Variants in KIRREL3 observed in about 807,000 individuals in gnomAD.
KIRREL3 encodes kirre like nephrin family adhesion molecule 3.
In KIRREL3, 36 loss-of-function variants were observed where a neutral mutation model predicts 89.7. That is an observed-to-expected ratio of 0.40 (90% CI 0.31 to 0.53). The LOEUF (loss-of-function observed/expected upper bound fraction) is 0.53. Ranked by LOEUF, KIRREL3 falls within the 20% of genes least tolerant of loss-of-function variation. The pLI, the probability that KIRREL3 is intolerant of heterozygous loss-of-function variation, is 0.49. For missense variants in KIRREL3, 864 were observed against 1,056.6 expected (o/e 0.82, Z 2.53); for synonymous variants, 445 against 441.4 (o/e 1.01, Z -0.10).
At chr11:126,616,530 T>C (rs994047508) in intron 1 of KIRREL3, among the ~76,000 whole-genome samples, 1 of 152,162 alleles carries the variant, frequency 6.6e-6, no homozygotes, top group Non-Finnish European at 1.5e-5. Context: ...GAGCCAGCAT[T>C]TGAGAATCAA....
At chr11:126,972,949 C>T (rs552990850) in intron 1 of KIRREL3, among the ~76,000 whole-genome samples, 4 of 152,108 alleles carry the variant, frequency 2.6e-5, no homozygotes, top group African/African-American at 9.6e-5. Flanking sequence ...GAGTTGATAG[C>T]CTTAAATTCT....
rs756251430 is a variant in KIRREL3, at chr11:126,566,293, G to A, written c.56-3381C>T. 7.9e-5 allele frequency among the ~76,000 whole-genome samples: 12 copies of A among 152,232 alleles called. No individual in the cohort carries two copies. Among genetic ancestry groups the A allele is most frequent in the Non-Finnish European group, 1.6e-4 (11 of 68,046 alleles). ...CCTGTGCAAGGAAAAATGGATTGGA[G>A]TAGGGTATGTTTCTTAGGGAGAAGA... On this transcript the variant is annotated intron_variant, in intron 1 of 16. Transcript: ENST00000525144. The surrounding 1 kb of genome is among the most constrained non-coding windows in gnomAD (Gnocchi z 4.9).
intron 1 of KIRREL3, among the ~76,000 whole-genome samples, chr11:126,753,520 G>A (rs193252782): frequency 2.0e-5 from 3 of 152,296 alleles, no homozygotes; most frequent in Admixed American, 2.0e-4. Flanking sequence ...AGACAATTGT[G>A]GGGGACAAGA....
rs1369232001 is a variant in KIRREL3, at chr11:126,766,788, T to C, written c.56-203876A>G. Among the ~76,000 whole-genome samples, 1 of 152,190 alleles carries C rather than the reference T, an allele frequency of 6.6e-6. No homozygotes were observed. The highest frequency in any genetic ancestry group is 1.5e-5 in the Non-Finnish European group (1 of 68,022). On this transcript the variant is annotated intron_variant, in intron 1 of 16. Coordinates refer to ENST00000525144, the MANE Select transcript of KIRREL3 (RefSeq NM_032531.4). This position sits in a 1 kb window ranked among gnomAD's most constrained non-coding sequence, Gnocchi z 4.2. ...CTGACTGGGGATCATAAAGTGCTGT[T>C]GATAATTGTGATAGTTAAAGTGATT...
At chr11:126,732,667 A>G (rs1294251002) in intron 1 of KIRREL3, among the ~76,000 whole-genome samples, 1 of 152,220 alleles carries the variant, frequency 6.6e-6, no homozygotes, top group African/African-American at 2.4e-5. Flanking sequence ...GAACCAGGAC[A>G]CCATCTCTGG....
chr11:126,889,276 G>A (rs1945815886), intron 1 of KIRREL3, among the ~76,000 whole-genome samples: 1 of 147,462 alleles, frequency 6.8e-6, no homozygotes, highest in African/African-American at 2.5e-5. Context: ...TGTCTTGAAA[G>A]ACTAGTTTGC....
chr11:126,961,396 T>C (rs922609419), intron 1 of KIRREL3, among the ~76,000 whole-genome samples: 2 of 152,238 alleles, frequency 1.3e-5, no homozygotes, highest in Non-Finnish European at 2.9e-5. Context: ...AACAGCCTTA[T>C]TGCTGCTATA....
rs1177451208 is a variant in KIRREL3, at chr11:126,890,720, C to A, written c.55+109735G>T. ...CTGCCTTCTGTAGACTCTACTGAAG[C>A]CACTAGGGTGAGTGAGAGAGTAGAC... On this transcript the variant is annotated intron_variant, in intron 1 of 16. Coordinates refer to ENST00000525144, the MANE Select transcript of KIRREL3 (RefSeq NM_032531.4). The surrounding 1 kb of genome is among the most constrained non-coding windows in gnomAD (Gnocchi z 5.1). Among the ~76,000 whole-genome samples, 1 of 152,226 alleles carries A rather than the reference C, an allele frequency of 6.6e-6. No individual in the cohort carries two copies. The highest frequency in any genetic ancestry group is 2.4e-5 in the African/African-American group (1 of 41,456).
At position 126,990,948 on chromosome 11, in the gene KIRREL3, C is replaced by T. The variant is rs1050262154; in HGVS notation, c.55+9507G>A. ...TTCCTGTGCAATGAACCAACCGGGC[C>T]CCAGTGTTACTCTGAAGCTGTCATT... On this transcript the variant is annotated intron_variant, in intron 1 of 16. Coordinates refer to ENST00000525144, the MANE Select transcript of KIRREL3 (RefSeq NM_032531.4). This position sits in a 1 kb window ranked among gnomAD's most constrained non-coding sequence, Gnocchi z 6.3. 2.0e-5 allele frequency among the ~76,000 whole-genome samples: 3 copies of T among 152,166 alleles called. No individual in the cohort carries two copies. The highest frequency in any genetic ancestry group is 4.4e-5 in the Non-Finnish European group (3 of 68,036).
chr11:126,972,295 C>A (rs1949447895), intron 1 of KIRREL3, among the ~76,000 whole-genome samples: 1 of 151,784 alleles, frequency 6.6e-6, no homozygotes, highest in Non-Finnish European at 1.5e-5. Context: ...TTTGCTATAC[C>A]TTTTGGCTTC....
chr11:126,440,404 T>C (rs3212313), intron 11 of KIRREL3, 45 bp downstream of exon 11: 372,451 of 1,521,024 alleles, frequency 0.24, 50,591 homozygotes, highest in African/African-American at 0.54. Context: ...AAGTGACTGT[T>C]GGGCTGCTGG....
At chr11:126,717,633 T>C (rs1948016783) in intron 1 of KIRREL3, among the ~76,000 whole-genome samples, 1 of 152,178 alleles carries the variant, frequency 6.6e-6, no homozygotes, top group African/African-American at 2.4e-5. Context: ...ACCTAGTGGT[T>C]CTCGTCTGTT....
intron 4 of KIRREL3, among the ~76,000 whole-genome samples, chr11:126,512,241 C>T (rs978550566): frequency 7.2e-5 from 11 of 152,214 alleles, no homozygotes; most frequent in African/African-American, 2.2e-4. Context: ...ATCCCCTGAC[C>T]GGATGTTCTT....
chr11:126,536,642 CTTTTTTT>C (rs145142970), intron 2 of KIRREL3, among the ~76,000 whole-genome samples: 4 of 77,152 alleles, frequency 5.2e-5, no homozygotes, highest in Non-Finnish European at 6.8e-5. Flanking sequence ...CTGGGCAATG[CTTTTTTT>C]TTTTTTTTTT....
intron 1 of KIRREL3, among the ~76,000 whole-genome samples, chr11:126,758,812 G>T (rs1949584036): frequency 6.6e-6 from 1 of 152,158 alleles, no homozygotes; most frequent in Non-Finnish European, 1.5e-5. Context: ...CCTCAAAACT[G>T]CTTCCGTAGC....
At position 126,485,324 on chromosome 11, in the gene KIRREL3, C is replaced by T. The variant is rs1957331765; in HGVS notation, c.434-11858G>A. On this transcript the variant is annotated intron_variant, in intron 4 of 16. Coordinates refer to ENST00000525144, the MANE Select transcript of KIRREL3 (RefSeq NM_032531.4). The surrounding 1 kb of genome is among the most constrained non-coding windows in gnomAD (Gnocchi z 5.8). ...ACCTGGGGGTGGGGGGAACCCTGAA[C>T]TAGCTGACTTCAGAGGTCCCCTGCA... is the stretch of plus-strand genomic sequence containing the variant. Among the ~76,000 whole-genome samples the T allele has an allele frequency of 6.6e-6, 1 of 152,162 alleles. No homozygotes were observed. Among genetic ancestry groups the T allele is most frequent in the African/African-American group, 2.4e-5 (1 of 41,446 alleles).
chr11:126,671,422 G>GA (rs1310540767), intron 1 of KIRREL3, among the ~76,000 whole-genome samples: 3 of 152,022 alleles, frequency 2.0e-5, no homozygotes, highest in Non-Finnish European at 4.4e-5. Context: ...ACAAAAAATT[G>GA]AAAATTTTGG....
At chr11:126,589,132 T>A (rs1419914232) in intron 1 of KIRREL3, among the ~76,000 whole-genome samples, 2 of 152,242 alleles carry the variant, frequency 1.3e-5, no homozygotes, top group African/African-American at 4.8e-5. Context: ...CTGGAGCCGC[T>A]GCCTCTCCAG....
Position 126,705,304 on chromosome 11 carries a change from T to C in KIRREL3, c.56-142392A>G, listed in dbSNP as rs78048490. On this transcript the variant is annotated intron_variant, in intron 1 of 16. Coordinates refer to ENST00000525144, the MANE Select transcript of KIRREL3 (RefSeq NM_032531.4). This position sits in a 1 kb window ranked among gnomAD's most constrained non-coding sequence, Gnocchi z 4.3. The stretch of plus-strand genomic sequence containing the variant: ...CCCCAGTATTGAAGGTGGGGCCTGG[T>C]GGGAGGTGATTGGGTCATGAGGTCG... Among the ~76,000 whole-genome samples the C allele has an allele frequency of 5.6e-3, 848 of 152,328 alleles. 9 individuals are homozygous for C. The highest frequency in any genetic ancestry group is 0.019 in the African/African-American group (777 of 41,580).
Sources: gnomAD v4.1 joint callset for allele counts (sites outside exome capture counted in the v4.1 genomes callset) on GRCh38, gnomAD v4.1.1 for gene constraint, Gnocchi (gnomAD v3.1) non-coding constraint, MANE v1.5 for transcripts, NCBI Gene and HGNC (gene_info 2026-07-23, HGNC 2026-07-21) for gene names.